Variants in TMEM132C observed in about 807,000 individuals in gnomAD.
The protein encoded by TMEM132C is protein phosphatase 1, regulatory subunit 152.
A neutral mutation model predicts 61.4 loss-of-function variants in TMEM132C; 29 were observed. The ratio of observed to expected loss-of-function variants is 0.47; its 90% confidence interval spans 0.35 to 0.64. The LOEUF is 0.64. Ranked by LOEUF, TMEM132C falls within the 30% of genes least tolerant of loss-of-function variation. The probability of loss-of-function intolerance (pLI) is 0.00; values close to 1 mark genes in which losing one functional copy is unlikely to be tolerated. For synonymous variants in TMEM132C, 656 were observed against 633.1 expected (o/e 1.04, Z -0.54); for missense variants, 1,408 against 1,476.9 (o/e 0.95, Z 0.76).
At position 128,697,350 on chromosome 12, in the gene TMEM132C, G is replaced by A. The variant is rs531762702; in HGVS notation, c.2056G>A (p.Ala686Thr). ...AGLSVALYPNAENSKAVTAVV... is the reference protein window; with the variant it reads ...AGLSVALYPNTENSKAVTAVV... The stretch of plus-strand genomic sequence containing the variant: ...GCTGTCTGTCGCCCTTTACCCCAAC[G>A]CAGAAAACAGCAAGGCCGTAACAGC... Residue 686 changes from alanine to threonine, a missense_variant, in exon 8 of 9, where the codon GCA becomes ACA. Coordinates refer to ENST00000435159, the MANE Select transcript of TMEM132C (RefSeq NM_001136103.3). 28 of 1,551,132 alleles carry A rather than the reference G, an allele frequency of 1.8e-5. No homozygotes were observed. Among genetic ancestry groups the A allele is most frequent in the African/African-American group, 1.5e-4 (11 of 73,144 alleles).
intron 2 of TMEM132C, among the ~76,000 whole-genome samples, chr12:128,420,542 C>G (rs1868951897): frequency 6.6e-6 from 1 of 152,092 alleles, no homozygotes. Flanking sequence ...GACTTTTGTT[C>G]CAGGTGAGAT....
Position 128,696,199 on chromosome 12 carries a change from C to A in TMEM132C, c.1929+96C>A. 4 of 1,442,702 alleles carry A rather than the reference C, an allele frequency of 2.8e-6. No homozygotes were observed. In the South Asian group the frequency reaches 5.6e-5, roughly 20 times the overall value. 89.4% of individuals were successfully genotyped at this position (1,442,702 alleles called of 1,614,324 possible). ...GGGCAGATCACTGTGGCCGATTCCC[C>A]AACCCATGTGTATCATGGGAACACA... On this transcript the variant is annotated intron_variant, in intron 7 of 8. Transcript: ENST00000435159.
chr12:128,469,049 C>A (rs1197509214), intron 2 of TMEM132C, among the ~76,000 whole-genome samples: 1 of 152,138 alleles, frequency 6.6e-6, no homozygotes, highest in Admixed American at 6.5e-5. Context: ...TCATAGCAAC[C>A]ATACCGCTTG....
At chr12:128,314,404 C>T (rs1872079625) in intron 1 of TMEM132C, among the ~76,000 whole-genome samples, 1 of 152,138 alleles carries the variant, frequency 6.6e-6, no homozygotes, top group Admixed American at 6.5e-5. Context: ...TGACAGAAAG[C>T]TCCCATACTC....
chr12:128,664,105 G>C, intron 4 of TMEM132C, among the ~76,000 whole-genome samples: 1 of 126,400 alleles, frequency 7.9e-6, no homozygotes, highest in African/African-American at 3.1e-5. Context: ...CACGCACACA[G>C]GCACACGCAC....
At chr12:128,692,013 C>G (rs913984006) in intron 5 of TMEM132C, among the ~76,000 whole-genome samples, 5 of 148,134 alleles carry the variant, frequency 3.4e-5, no homozygotes, top group African/African-American at 1.1e-4. Flanking sequence ...TGTGTCCATC[C>G]ACCCATCAGT....
At chr12:128,267,509 G>A in intron 1 of TMEM132C, 22 bp downstream of exon 1, 1 of 1,235,462 alleles carries the variant, frequency 8.1e-7, no homozygotes, top group Middle Eastern at 3.1e-4. Context: ...GCGGGTGCCT[G>A]GCGCGCCGAC....
At chr12:128,685,174 A>G (rs907969198) in intron 5 of TMEM132C, among the ~76,000 whole-genome samples, 3 of 152,186 alleles carry the variant, frequency 2.0e-5, no homozygotes, top group Non-Finnish European at 2.9e-5. Flanking sequence ...GAGAGAAAAT[A>G]GAATAAGATA....
chr12:128,395,181 A>G (rs1280859192), intron 1 of TMEM132C, among the ~76,000 whole-genome samples: 2 of 150,486 alleles, frequency 1.3e-5, no homozygotes, highest in East Asian at 1.9e-4. Flanking sequence ...ACAGAATACT[A>G]AATCATATTT....
At chr12:128,472,485 G>T in intron 2 of TMEM132C, among the ~76,000 whole-genome samples, 1 of 152,218 alleles carries the variant, frequency 6.6e-6, no homozygotes, top group Non-Finnish European at 1.5e-5. Flanking sequence ...GAGCCTGAGG[G>T]GGCTCCAGGT....
intron 2 of TMEM132C, among the ~76,000 whole-genome samples, chr12:128,450,249 G>T (rs1335913084): frequency 6.6e-6 from 1 of 152,070 alleles, no homozygotes; most frequent in African/African-American, 2.4e-5. Flanking sequence ...AGAGTCACTT[G>T]TGGCTACTGG....
intron 1 of TMEM132C, among the ~76,000 whole-genome samples, chr12:128,300,069 T>C (rs927820158): frequency 1.3e-5 from 2 of 152,172 alleles, no homozygotes; most frequent in Non-Finnish European, 2.9e-5. Flanking sequence ...AGAGTAAACA[T>C]GTTTGGGCAA....
intron 1 of TMEM132C, among the ~76,000 whole-genome samples, chr12:128,321,959 G>A (rs2135935878): frequency 6.6e-6 from 1 of 152,254 alleles, no homozygotes; most frequent in Non-Finnish European, 1.5e-5. Context: ...CAGGACTTTG[G>A]CCCACCTGAA....
rs185161604 is a variant in TMEM132C at position 128,403,660 on chromosome 12, G to A, written c.86-11072G>A. 3.1e-3 allele frequency among the ~76,000 whole-genome samples: 467 copies of A among 152,118 alleles called. 4 individuals carry two copies. The highest frequency in any genetic ancestry group is 4.8e-3 in the Non-Finnish European group (325 of 68,010). ...GCGGTCTTATGTGATTCCCATCATC[G>A]ACATGAGAATTCTGAGGCTCAAGAG... On this transcript the variant is annotated intron_variant, in intron 1 of 8. Coordinates refer to ENST00000435159, the MANE Select transcript of TMEM132C (RefSeq NM_001136103.3).
chr12:128,396,090 G>A (rs146462127), intron 1 of TMEM132C, among the ~76,000 whole-genome samples: 102 of 152,272 alleles, frequency 6.7e-4, no homozygotes, highest in South Asian at 2.7e-3. Flanking sequence ...TCATGGAGCC[G>A]TTGAATAAGC....
At chr12:128,426,947 AT>A (rs1458326206) in intron 2 of TMEM132C, among the ~76,000 whole-genome samples, 3 of 152,164 alleles carry the variant, frequency 2.0e-5, no homozygotes, top group Non-Finnish European at 2.9e-5. Context: ...GTTGTGAAAG[AT>A]TTAACACATG....
Position 128,287,507 on chromosome 12 carries a change from CTATATCTA to C in TMEM132C, c.85+20024_85+20031del, listed in dbSNP as rs1368395635. Among the ~76,000 whole-genome samples the C allele has an allele frequency of 5.3e-5, 8 of 151,996 alleles. No individual in the cohort carries two copies. In the East Asian group the frequency reaches 1.5e-3, roughly 29 times the overall value. The stretch of plus-strand genomic sequence containing the variant: ...TGCATATCTATATCTATATCTATAT[CTATATCTA>C]TATCTATATCTATCTGTGTGTGTGT... On this transcript the variant is annotated intron_variant, in intron 1 of 8. Coordinates refer to ENST00000435159, the MANE Select transcript of TMEM132C (RefSeq NM_001136103.3).
In TMEM132C at chr12:128,459,522, C is replaced by T. The variant is rs71462497; in HGVS notation, c.974+43902C>T. Among the ~76,000 whole-genome samples the T allele has an allele frequency of 2.1e-3, 324 of 152,220 alleles. 3 individuals are homozygous for T. Among genetic ancestry groups the T allele is most frequent in the South Asian group, 2.5e-3 (12 of 4,800 alleles). On this transcript the variant is annotated intron_variant, in intron 2 of 8. Transcript: ENST00000435159. ...GATAGAGCATGACTCGGAAGTCTCTCTCCTGGATGATAGTGGTGTCATTGG... is the reference window on the plus strand; with the variant it reads ...GATAGAGCATGACTCGGAAGTCTCTTTCCTGGATGATAGTGGTGTCATTGG...
chr12:128,393,369 A>T (rs756420334), intron 1 of TMEM132C, among the ~76,000 whole-genome samples: 9 of 152,144 alleles, frequency 5.9e-5, no homozygotes, highest in Non-Finnish European at 1.0e-4. Context: ...TACTCTATAA[A>T]ATAGACTCTC....
Sources: allele counts gnomAD v4.1 joint callset (sites outside exome capture counted in the v4.1 genomes callset), GRCh38; gene constraint gnomAD v4.1.1; transcripts MANE v1.5; gene names NCBI Gene and HGNC (gene_info 2026-07-23, HGNC 2026-07-21).